The following ABCD3 variants were observed in gnomAD, a reference collection of about 807,000 sequenced individuals.
The protein encoded by ABCD3 is ATP-binding cassette sub-family D member 3.
In ABCD3, 41 loss-of-function variants were observed where a neutral mutation model predicts 105.5. The observed-to-expected ratio is 0.39, with a 90% CI of 0.30 to 0.50. The LOEUF is 0.50. Ranked by LOEUF, ABCD3 falls within the 20% of genes least tolerant of loss-of-function variation. The pLI is 0.84. For missense variants in ABCD3, 622 were observed against 806.3 expected, an observed-to-expected ratio of 0.77 and a Z score of 2.77; for synonymous variants, 258 against 269.0, an observed-to-expected ratio of 0.96 and a Z score of 0.40.
At chr1:94,450,800 C>G (rs1032380100) in intron 1 of ABCD3, among the ~76,000 whole-genome samples, 7 of 152,188 alleles carry the variant, frequency 4.6e-5, no homozygotes, top group African/African-American at 1.7e-4. Flanking sequence ...ATTTTTACCC[C>G]TTCTAGTAGT....
intron 7 of ABCD3, among the ~76,000 whole-genome samples, chr1:94,476,509 C>T (rs1648747988): frequency 1.3e-5 from 2 of 152,170 alleles, no homozygotes; most frequent in South Asian, 4.1e-4. Flanking sequence ...TTGGTGTTGG[C>T]TAGGAGCTTG....
Position 94,418,533 on chromosome 1 carries a change from G to A in ABCD3, c.55G>A (p.Ala19Thr). The change falls in exon 1 of 23, where the codon GCG becomes ACG. Residue 19 changes from alanine to threonine, a missense_variant. Ala to Thr is a moderately conservative substitution (Grantham distance 58). Coordinates refer to ENST00000370214, the MANE Select transcript of ABCD3 (RefSeq NM_002858.4). ...GCGAAACTCCTCGCTGGCTGGTGCC[G>A]CGTTCCTGCTGCTCTGCCTGCTCCA... is the stretch of plus-strand genomic sequence containing the variant. Reference protein sequence around the residue: ...TARNSSLAGAAFLLLCLLHKR... With the variant: ...TARNSSLAGATFLLLCLLHKR... 1 of 1,605,392 alleles carries A rather than the reference G, an allele frequency of 6.2e-7. No individual in the cohort carries two copies. Among genetic ancestry groups the A allele is most frequent in the Non-Finnish European group, 8.5e-7 (1 of 1,179,234 alleles).
the ABCD3 span, among the ~76,000 whole-genome samples, chr1:94,386,022 T>G: frequency 1.7e-3 from 254 of 146,824 alleles, 1 homozygote; most frequent in Non-Finnish European, 2.9e-3. Context: ...TTTTAGAATC[T>G]GTTTCTTTCT....
At chr1:94,509,731 C>T (rs969424913) in intron 21 of ABCD3, among the ~76,000 whole-genome samples, 1 of 152,082 alleles carries the variant, frequency 6.6e-6, no homozygotes, top group Non-Finnish European at 1.5e-5. Context: ...GTGTATGTGT[C>T]GAGGAATTTA....
intron 1 of ABCD3, among the ~76,000 whole-genome samples, chr1:94,454,183 A>G (rs1647425475): frequency 6.6e-6 from 1 of 152,200 alleles, no homozygotes; most frequent in Non-Finnish European, 1.5e-5. Context: ...TGAGAATATT[A>G]TAATAGTTCA....
chr1:94,424,644 T>G (rs1370095075), intron 1 of ABCD3, among the ~76,000 whole-genome samples: 3 of 152,124 alleles, frequency 2.0e-5, no homozygotes, highest in African/African-American at 7.2e-5. Flanking sequence ...CTCGAACTCC[T>G]AGGCTCAAGC....
chr1:94,514,911 C>G, intron 21 of ABCD3: 1 of 481,228 alleles, frequency 2.1e-6, no homozygotes, highest in Non-Finnish European at 3.7e-6. Flanking sequence ...ATGTTTTTTG[C>G]CCAAAAGAAA....
At chr1:94,406,540 C>T in the ABCD3 span, 2 of 367,258 alleles carry the variant, frequency 5.4e-6, no homozygotes, top group East Asian at 7.6e-5. Context: ...TTTTTCTGAT[C>T]ATTTTCCTTC....
At chr1:94,424,968 C>T (rs1659406165) in intron 1 of ABCD3, among the ~76,000 whole-genome samples, 1 of 152,140 alleles carries the variant, frequency 6.6e-6, no homozygotes, top group Admixed American at 6.5e-5. Context: ...TTTGACTCTA[C>T]AACAACAAAT....
At chr1:94,468,278 A>G (rs1251761307) in intron 4 of ABCD3, among the ~76,000 whole-genome samples, 1 of 152,252 alleles carries the variant, frequency 6.6e-6, no homozygotes, top group Non-Finnish European at 1.5e-5. Flanking sequence ...AGAGACAGGT[A>G]GACAGAAAAT....
chr1:94,483,016 C>G (rs968652428), intron 9 of ABCD3, 154 bp from the exon 10 acceptor site: 1 of 636,878 alleles, frequency 1.6e-6, no homozygotes, highest in African/African-American at 1.8e-5. Context: ...AACAGAATCT[C>G]AGGTATAGAC....
chr1:94,403,885 G>A, the ABCD3 span, among the ~76,000 whole-genome samples: 1 of 152,160 alleles, frequency 6.6e-6, no homozygotes, highest in Admixed American at 6.5e-5. Flanking sequence ...GGTAAATGGT[G>A]TTAAAAGACC....
intron 1 of ABCD3, 144 bp from the exon 2 acceptor site, chr1:94,458,463 T>C (rs989910915): frequency 1.1e-5 from 8 of 729,026 alleles, no homozygotes; most frequent in Admixed American, 2.7e-5. Flanking sequence ...TGGACTATTA[T>C]TATTTAATAT....
chr1:94,418,367 C>A (rs1557654908), upstream of ABCD3: 2 of 942,292 alleles, frequency 2.1e-6, no homozygotes, highest in Non-Finnish European at 3.2e-6. Context: ...CCTGCGCGGC[C>A]GGCCCCGCCC....
chr1:94,498,469 G>C (rs967389121), intron 16 of ABCD3, 133 bp from the exon 17 acceptor site: 11 of 906,718 alleles, frequency 1.2e-5, no homozygotes, highest in Middle Eastern at 6.5e-4. Flanking sequence ...TCTACCTAAT[G>C]CTACATTTAC....
chr1:94,513,787 TGTA>T lies in ABCD3; in HGVS notation c.1846-1355_1846-1353del, dbSNP rs370213042. 16 of 152,070 alleles carry T rather than the reference TGTA, an allele frequency of 1.1e-4. No homozygotes were observed. The South Asian group carries it at 1.5e-3, about 14-fold the overall frequency. 9.4% of individuals were successfully genotyped at this position (152,070 alleles called of 1,614,324 possible). On this transcript the variant is annotated intron_variant, in intron 21 of 22. Transcript: ENST00000370214. ...TTAAGTAGATGTCTAATCCAATTAT[TGTA>T]GTATCATAAACAGAGAAATAATATC...
intron 16 of ABCD3, among the ~76,000 whole-genome samples, chr1:94,497,483 T>C (rs1649880523): frequency 6.6e-6 from 1 of 152,210 alleles, no homozygotes; most frequent in East Asian, 1.9e-4. Context: ...CATTGGTGTT[T>C]AGTGTTGTAA....
At chr1:94,486,620 G>A (rs1186981154) in intron 10 of ABCD3, among the ~76,000 whole-genome samples, 1 of 152,140 alleles carries the variant, frequency 6.6e-6, no homozygotes, top group Non-Finnish European at 1.5e-5. Context: ...TAATGAATTC[G>A]GTGGCCAAAA....
upstream of ABCD3, chr1:94,418,354 G>A: frequency 2.7e-6 from 2 of 731,418 alleles, no homozygotes; most frequent in Non-Finnish European, 4.2e-6. Context: ...GCCAGGGGGC[G>A]GTCCTGCGCG....
Sources: gnomAD v4.1 joint callset for allele counts (sites outside exome capture counted in the v4.1 genomes callset) on GRCh38, gnomAD v4.1.1 for gene constraint, MANE v1.5 for transcripts, NCBI Gene and HGNC (gene_info 2026-07-23, HGNC 2026-07-21) for gene names.